Variants in LHX8 observed in about 807,000 individuals in gnomAD.
The protein encoded by LHX8 is LIM/homeobox protein Lhx8.
A neutral mutation model predicts 40.3 loss-of-function variants in LHX8; 12 were observed. The ratio of observed to expected loss-of-function variants is 0.30; its 90% CI spans 0.19 to 0.48. LHX8 has a LOEUF of 0.48. Among genes scored for constraint, LHX8 ranks in the 20% least tolerant of loss-of-function variants. LHX8 has a pLI of 0.99. For missense variants in LHX8, 344 were observed against 433.7 expected, an observed-to-expected ratio of 0.79 and a Z score of 1.84; for synonymous variants, 179 against 162.0, an observed-to-expected ratio of 1.10 and a Z score of -0.80.
At chr1:75,181,194 C>A in the LHX8 span, among the ~76,000 whole-genome samples, 22 of 152,168 alleles carry the variant, frequency 1.4e-4, no homozygotes, top group African/African-American at 5.3e-4. Context: ...GGTGGTCTGT[C>A]CATTCTCAGA....
chr1:75,192,173 G>C, the LHX8 span, among the ~76,000 whole-genome samples: 1 of 152,166 alleles, frequency 6.6e-6, no homozygotes, highest in East Asian at 1.9e-4. Flanking sequence ...CAGATACTAA[G>C]TGGTATGTAA....
intron 7 of LHX8, among the ~76,000 whole-genome samples, chr1:75,153,252 C>T (rs866223990): frequency 3.9e-5 from 6 of 152,022 alleles, no homozygotes; most frequent in Non-Finnish European, 1.5e-5. Context: ...ACTACAGGTG[C>T]GTGATACCAC....
At chr1:75,187,103 A>G in the LHX8 span, among the ~76,000 whole-genome samples, 2 of 152,136 alleles carry the variant, frequency 1.3e-5, no homozygotes, top group Non-Finnish European at 2.9e-5. Context: ...GTGAAATCTT[A>G]ATGTTAAAAC....
intron 3 of LHX8, among the ~76,000 whole-genome samples, chr1:75,139,580 GC>G (rs2100335690): frequency 6.6e-6 from 1 of 152,136 alleles, no homozygotes; most frequent in African/African-American, 2.4e-5. Flanking sequence ...TAAGGAAAAT[GC>G]TTTTTTTATT....
At chr1:75,140,940 C>G in intron 3 of LHX8, 45 bp from the exon 4 acceptor site, 2 of 1,607,970 alleles carry the variant, frequency 1.2e-6, no homozygotes, top group Non-Finnish European at 1.7e-6. Flanking sequence ...CCAATGAATA[C>G]TTTTCTTAAA....
At chr1:75,155,529 C>A (rs140469991) in intron 7 of LHX8, among the ~76,000 whole-genome samples, 3,502 of 152,102 alleles carry the variant, frequency 0.023, 60 homozygotes, top group Non-Finnish European at 0.033. Context: ...CCACTGCGCC[C>A]GGCCCATGAA....
At chr1:75,154,474 A>G (rs1648701631) in intron 7 of LHX8, among the ~76,000 whole-genome samples, 1 of 152,046 alleles carries the variant, frequency 6.6e-6, no homozygotes, top group African/African-American at 2.4e-5. Context: ...TATTGGAGAC[A>G]AAAAGATACT....
At chr1:75,154,580 G>A (rs924927570) in intron 7 of LHX8, among the ~76,000 whole-genome samples, 2 of 152,052 alleles carry the variant, frequency 1.3e-5, no homozygotes, top group African/African-American at 2.4e-5. Context: ...GAAAAAGGCC[G>A]GTGGCAGTGG....
chr1:75,192,643 T>A, the LHX8 span, among the ~76,000 whole-genome samples: 2 of 152,130 alleles, frequency 1.3e-5, no homozygotes, highest in African/African-American at 4.8e-5. Flanking sequence ...TTAAGTAATT[T>A]TTTTTATTTT....
chr1:75,165,357 A>C (rs576574795), downstream of LHX8, among the ~76,000 whole-genome samples: 17 of 152,292 alleles, frequency 1.1e-4, no homozygotes, highest in South Asian at 2.1e-4. Flanking sequence ...AAATGTATAG[A>C]GATCTTAGGA....
At chr1:75,130,659 G>A, upstream of LHX8, 1 of 1,523,634 alleles carries the variant, frequency 6.6e-7, no homozygotes, top group Middle Eastern at 1.7e-4. Context: ...AACGGAGTCT[G>A]GGACCGGTAA....
At chr1:75,136,178 A>C (rs1188609415) in intron 1 of LHX8, among the ~76,000 whole-genome samples, 1 of 151,860 alleles carries the variant, frequency 6.6e-6, no homozygotes, top group African/African-American at 2.4e-5. Context: ...CCCCTCCTCA[A>C]TCCTCTTTTC....
downstream of LHX8, among the ~76,000 whole-genome samples, chr1:75,163,018 C>CT (rs11379344): frequency 0.95 from 136,383 of 143,828 alleles, 64,669 homozygotes; most frequent in East Asian, 0.99. Context: ...GGTAGGATAC[C>CT]TTTTTTTTTT....
the LHX8 span, among the ~76,000 whole-genome samples, chr1:75,169,789 A>G: frequency 6.6e-6 from 1 of 152,234 alleles, no homozygotes; most frequent in South Asian, 2.1e-4. Context: ...AGCCTGATTG[A>G]TCTTGATTGC....
At chr1:75,153,560 T>C in intron 7 of LHX8, among the ~76,000 whole-genome samples, 1 of 151,568 alleles carries the variant, frequency 6.6e-6, no homozygotes. Flanking sequence ...TACAGGCACC[T>C]GCCATCATGA....
upstream of LHX8, chr1:75,130,558 C>G (rs1647935115): frequency 2.6e-6 from 2 of 766,794 alleles, no homozygotes; most frequent in African/African-American, 3.4e-5. Flanking sequence ...GGGTCCCAGA[C>G]GGAGGCCCTC....
chr1:75,139,686 A>G (rs867121082), intron 3 of LHX8, among the ~76,000 whole-genome samples: 2 of 152,150 alleles, frequency 1.3e-5, no homozygotes, highest in African/African-American at 4.8e-5. Flanking sequence ...TATAGTGAGC[A>G]TGTAAGTTCT....
chr1:75,140,002 A>G (rs1201151774), intron 3 of LHX8, among the ~76,000 whole-genome samples: 5 of 152,152 alleles, frequency 3.3e-5, no homozygotes, highest in Non-Finnish European at 7.4e-5. Context: ...ATGAAATTCA[A>G]TTAAGCATAA....
chr1:75,170,395 A>G, the LHX8 span, among the ~76,000 whole-genome samples: 1 of 152,194 alleles, frequency 6.6e-6, no homozygotes, highest in African/African-American at 2.4e-5. Flanking sequence ...AAAGACAAAA[A>G]CAAAAGCAAA....
Sources: gnomAD v4.1 joint callset for allele counts (sites outside exome capture counted in the v4.1 genomes callset) on GRCh38, gnomAD v4.1.1 for gene constraint, MANE v1.5 for transcripts, NCBI Gene and HGNC (gene_info 2026-07-23, HGNC 2026-07-21) for gene names.